Variants in NBPF11 observed in about 807,000 individuals in gnomAD.
NBPF11 encodes NBPF family member NBPF11.
NBPF11 carries 72 observed loss-of-function variants against 93.9 expected under a neutral mutation model. That is an observed-to-expected ratio of 0.77 (90% confidence interval 0.63 to 0.93). The LOEUF (loss-of-function observed/expected upper bound fraction) is 0.93, where lower values mean the gene tolerates loss of function less well. Among genes scored for constraint, NBPF11 ranks in the 40% least tolerant of loss-of-function variants. The pLI is 0.00. For missense variants in NBPF11, 705 were observed against 802.2 expected (o/e 0.88, Z 1.46); for synonymous variants, 224 against 304.9 (o/e 0.73, Z 2.76).
intron 16 of NBPF11, 21 bp downstream of exon 16, chr1:148,110,357 C>G (rs1664954678): frequency 2.5e-6 from 4 of 1,571,318 alleles, no homozygotes; most frequent in Non-Finnish European, 3.5e-6. Flanking sequence ...AGCTTTATCA[C>G]CTTCACAATG....
rs1331129906 is a variant in NBPF11, at chr1:148,126,989, G to A, written c.15C>T (p.Ala5=). 30 of 751,354 alleles carry A rather than the reference G, an allele frequency of 4.0e-5. No individual in the cohort carries two copies. The highest frequency in any genetic ancestry group is 7.6e-5 in the East Asian group (3 of 39,382). The allele number at this position is 751,354 out of a possible 1,614,324, so 46.5% of individuals were successfully genotyped here. The change falls in exon 5 of 24, where the codon GCC becomes GCT. Residue 5 remains alanine (A), a synonymous_variant. Transcript: ENST00000682118. MVVS[A]GPWSSEKAEM... ...CTGCCTTCTCGCTGGACCAAGGGCC[G>A]GCTGATACCACCATGCTGACGTTTG...
chr1:148,124,885 C>A lies in NBPF11; in HGVS notation c.278+14G>T, dbSNP rs587650816. 2 of 1,607,942 alleles carry A rather than the reference C, an allele frequency of 1.2e-6. No homozygotes were observed. The highest frequency in any genetic ancestry group is 8.5e-7 in the Non-Finnish European group (1 of 1,179,920). On this transcript the variant is annotated intron_variant, in intron 6 of 23. Transcript: ENST00000682118. ...ACACCTACCTGCCTGTCTCCCCCTACGGGGTCCCCTCACCTGAGCTCCTCA... is the reference window on the plus strand; with the variant it reads ...ACACCTACCTGCCTGTCTCCCCCTAAGGGGTCCCCTCACCTGAGCTCCTCA...
intron 1 of NBPF11, among the ~76,000 whole-genome samples, chr1:148,145,867 G>A (rs1672913909): frequency 6.6e-6 from 1 of 151,514 alleles, no homozygotes; most frequent in Admixed American, 6.6e-5. Context: ...GCAACAGAGT[G>A]AGATCTTGTC....
At chr1:148,130,845 C>A (rs1204328646) in intron 4 of NBPF11, among the ~76,000 whole-genome samples, 31 of 151,662 alleles carry the variant, frequency 2.0e-4, no homozygotes, top group Non-Finnish European at 5.9e-5. Context: ...CACTTCAGGT[C>A]CGTTTGCATT....
At chr1:148,148,152 C>G (rs1647233627) in intron 1 of NBPF11, among the ~76,000 whole-genome samples, 2 of 152,200 alleles carry the variant, frequency 1.3e-5, no homozygotes, top group Admixed American at 6.5e-5. Flanking sequence ...CCACAGGCAC[C>G]AGCCAGGCAG....
intron 7 of NBPF11, 114 bp downstream of exon 7, chr1:148,123,739 A>G (rs1386940714): frequency 8.1e-6 from 13 of 1,610,022 alleles, no homozygotes; most frequent in South Asian, 1.1e-5. Flanking sequence ...TCATGGCCAC[A>G]TATGTGTAGT....
intron 1 of NBPF11, among the ~76,000 whole-genome samples, chr1:148,150,123 G>T (rs1162279768): frequency 6.7e-6 from 1 of 150,264 alleles, no homozygotes; most frequent in African/African-American, 2.5e-5. Context: ...AATCTGTGGT[G>T]GTTCATTTAG....
intron 11 of NBPF11, among the ~76,000 whole-genome samples, chr1:148,118,353 C>T (rs1422738666): frequency 6.6e-6 from 1 of 151,678 alleles, no homozygotes; most frequent in Non-Finnish European, 1.5e-5. Flanking sequence ...GGTTCACACT[C>T]CTTTGGTTAA....
rs1183603464 is a variant in NBPF11 at position 148,146,812 on chromosome 1, T to C, written c.-548-3126A>G. 3.7e-6 allele frequency: 6 copies of C among 1,613,332 alleles called. No individual in the cohort carries two copies. In the East Asian group the frequency reaches 6.7e-5, roughly 18 times the overall value. On this transcript the variant is annotated intron_variant, in intron 1 of 23. Transcript: ENST00000682118. The stretch of plus-strand genomic sequence containing the variant: ...CATTGGCCTGGGCTCCCGCCTCCAC[T>C]GCAACATCTTCACCTACGACTCCTC...
At chr1:148,146,988 G>T (rs1272695778) in intron 1 of NBPF11, 1 of 1,464,126 alleles carries the variant, frequency 6.8e-7, no homozygotes, top group Non-Finnish European at 9.2e-7. Flanking sequence ...GGGGGCCGGG[G>T]GGCGGGCTTC....
At position 148,108,632 on chromosome 1, in the gene NBPF11, C is replaced by G. The variant is rs1435444608; in HGVS notation, c.1876G>C (p.Glu626Gln). 7.0e-6 allele frequency: 9 copies of G among 1,293,722 alleles called. No individual in the cohort carries two copies. The African/African-American group carries it at 1.3e-4, about 19-fold the overall frequency. 80.1% of individuals were successfully genotyped at this position (1,293,722 alleles called of 1,614,324 possible). ...GPRLSRELLD[E>Q]KEPEVLQDSL... ...TCCTGCAAGACTTCAGGCTCTTTCT[C>G]ATCCAGCAGCTCCCTGCTGAGCCTG... The change falls in exon 18 of 24, where the codon GAG (glutamate) becomes CAG (glutamine). Residue 626 changes from glutamate to glutamine, a missense_variant. This residue lies in a region of NBPF11 where 97 missense variants were observed against 65.0 expected (regional missense o/e 1.49). Coordinates refer to ENST00000682118, the MANE Select transcript of NBPF11 (RefSeq NM_001385469.3).
chr1:148,134,249 A>G (rs1670905671), intron 4 of NBPF11, among the ~76,000 whole-genome samples: 1 of 151,530 alleles, frequency 6.6e-6, no homozygotes, highest in Non-Finnish European at 1.5e-5. Context: ...CCCACTGAGA[A>G]TTGGGGCTGT....
intron 2 of NBPF11, among the ~76,000 whole-genome samples, chr1:148,138,070 GGA>G: frequency 6.6e-6 from 1 of 151,146 alleles, no homozygotes; most frequent in African/African-American, 2.5e-5. Context: ...GGATAATAGT[GGA>G]GAGAAGATCA....
intron 1 of NBPF11, chr1:148,149,609 C>G (rs1302442543): frequency 1.3e-5 from 20 of 1,567,204 alleles, no homozygotes; most frequent in Non-Finnish European, 1.7e-6. Context: ...AGGCGGCCCC[C>G]GGACCTCACC....
Position 148,124,797 on chromosome 1 carries a change from C to A in NBPF11, c.278+102G>T. On this transcript the variant is annotated intron_variant, in intron 6 of 23. Coordinates refer to ENST00000682118, the MANE Select transcript of NBPF11 (RefSeq NM_001385469.3). ...TGAGCCTGCCATGGCAATTTCTGCC[C>A]TTCCCCTGGCCCAGCTTCGTTCTTA... 7 of 1,148,112 alleles carry A rather than the reference C, an allele frequency of 6.1e-6. No homozygotes were observed. In the South Asian group the frequency reaches 6.1e-5, roughly 10 times the overall value. The allele number at this position is 1,148,112 out of a possible 1,614,324, so 71.1% of individuals were successfully genotyped here.
In NBPF11 at chr1:148,117,996, C is replaced by T. The variant is rs1230374598; in HGVS notation, c.1092-210G>A. 2.9e-4 allele frequency among the ~76,000 whole-genome samples: 44 copies of T among 151,794 alleles called. 1 individual carries two copies. In the East Asian group the frequency reaches 4.5e-3, roughly 15 times the overall value. ...TCAGAGAGGGCTCCTGCAAGATCCT[C>T]GATGATGTTCCATTCATCTTTCCTT... On this transcript the variant is annotated intron_variant, in intron 11 of 23. Transcript: ENST00000682118.
At chr1:148,120,791 C>G in intron 9 of NBPF11, 81 bp from the exon 10 acceptor site, 1 of 1,024,218 alleles carries the variant, frequency 9.8e-7, no homozygotes, top group Non-Finnish European at 1.5e-6. Flanking sequence ...AGGGATGTCA[C>G]TGGTAGCCTT....
At chr1:148,147,739 G>T (rs1203630171) in intron 1 of NBPF11, among the ~76,000 whole-genome samples, 36 of 151,968 alleles carry the variant, frequency 2.4e-4, no homozygotes, top group Admixed American at 1.8e-3. Flanking sequence ...CTGTGGGCCT[G>T]GGAGCTGGTC....
intron 3 of NBPF11, 90 bp from the exon 4 acceptor site, chr1:148,135,903 G>A: frequency 1.1e-6 from 1 of 924,250 alleles, no homozygotes; most frequent in South Asian, 1.4e-5. Flanking sequence ...CTGTTCACTT[G>A]AGTGCCCTGT....
Sources: gnomAD v4.1 joint callset for allele counts (sites outside exome capture counted in the v4.1 genomes callset) on GRCh38, gnomAD v4.1.1 for gene constraint, gnomAD v4.1.1 regional missense constraint, MANE v1.5 for transcripts, NCBI Gene and HGNC (gene_info 2026-07-23, HGNC 2026-07-21) for gene names.